The following ENPEP variants were observed in gnomAD, a reference collection of about 807,000 sequenced individuals.
ENPEP encodes the protein glutamyl aminopeptidase, also known as AP-A.
A neutral mutation model predicts 114.5 loss-of-function variants in ENPEP; 103 were observed. That is an observed-to-expected ratio of 0.90 (90% CI 0.77 to 1.06). ENPEP has a LOEUF of 1.06. Among genes scored for constraint, ENPEP ranks in the 50% least tolerant of loss-of-function variants. ENPEP has a pLI of 0.00. For missense variants in ENPEP, 1,196 were observed against 1,161.3 expected (o/e 1.03, Z -0.43); for synonymous variants, 420 against 422.0 (o/e 1.00, Z 0.06).
chr4:110,515,572 C>A (rs990731910), intron 8 of ENPEP, 130 bp downstream of exon 8: 1 of 734,288 alleles, frequency 1.4e-6, no homozygotes, highest in African/African-American at 1.8e-5. Flanking sequence ...GATAATATAG[C>A]AAAAGATAAA....
intron 8 of ENPEP, among the ~76,000 whole-genome samples, chr4:110,517,182 C>T (rs570131548): frequency 1.3e-5 from 2 of 152,118 alleles, no homozygotes; most frequent in South Asian, 2.1e-4. Context: ...TCAAGAGATC[C>T]GCCCGCCTCG....
intron 17 of ENPEP, among the ~76,000 whole-genome samples, chr4:110,551,887 C>G (rs1727303933): frequency 6.6e-6 from 1 of 152,130 alleles, no homozygotes; most frequent in Admixed American, 6.5e-5. Flanking sequence ...CTGATTTTTG[C>G]TGCTTTGGCC....
chr4:110,478,456 C>T (rs1361653937), intron 1 of ENPEP, among the ~76,000 whole-genome samples: 2 of 152,000 alleles, frequency 1.3e-5, no homozygotes, highest in Non-Finnish European at 2.9e-5. Flanking sequence ...TTTCACTGCC[C>T]AGTGGTAATC....
chr4:110,547,329 A>G (rs554647048), intron 13 of ENPEP, among the ~76,000 whole-genome samples: 1 of 152,222 alleles, frequency 6.6e-6, no homozygotes, highest in South Asian at 2.1e-4. Flanking sequence ...AAAATTCTCA[A>G]TCAAGTCTGG....
In ENPEP at chr4:110,561,526, G is replaced by A; in HGVS notation, c.2842G>A (p.Glu948Lys). Residue 948 changes from glutamate to lysine, a missense_variant, in exon 20 of 20, where the codon GAA becomes AAA. By Grantham distance (56) the Glu-to-Lys change is moderately conservative. Transcript: ENST00000265162. ...AAAACAACATAGAAACACCATCAGA[G>A]AATGGTTTTTTAATTTACTTGAGAG... Reference protein sequence around the residue: ...WLKQHRNTIREWFFNLLESG With the variant: ...WLKQHRNTIRKWFFNLLESG The A allele has an allele frequency of 6.2e-7, 1 of 1,613,598 alleles. No individual in the cohort carries two copies. Among genetic ancestry groups the A allele is most frequent in the South Asian group, 1.1e-5 (1 of 91,028 alleles).
chr4:110,545,623 A>G (rs985606599), intron 13 of ENPEP, among the ~76,000 whole-genome samples: 1 of 152,028 alleles, frequency 6.6e-6, no homozygotes, highest in Admixed American at 6.6e-5. Context: ...GAGAGGGAGA[A>G]AAATCCTGAT....
chr4:110,480,484 A>G (rs566356721), intron 1 of ENPEP, among the ~76,000 whole-genome samples: 1 of 152,260 alleles, frequency 6.6e-6, no homozygotes, highest in South Asian at 2.1e-4. Context: ...TATCATTTTA[A>G]ACGTCATCAT....
rs544057218 is a variant in ENPEP at position 110,479,602 on chromosome 4, G to A, written c.644+2544G>A. 3.3e-5 allele frequency among the ~76,000 whole-genome samples: 5 copies of A among 152,160 alleles called. No homozygotes were observed. In the South Asian group the frequency reaches 8.3e-4, roughly 25 times the overall value. The stretch of plus-strand genomic sequence containing the variant: ...CCATTTCCACCAACAATGTATGAAA[G>A]CGACTATTCCTCTGAGCCTTACTAA... On this transcript the variant is annotated intron_variant, in intron 1 of 19. Coordinates refer to ENST00000265162, the MANE Select transcript of ENPEP (RefSeq NM_001977.4).
chr4:110,522,309 G>A (rs2110365175), intron 10 of ENPEP, among the ~76,000 whole-genome samples: 1 of 152,076 alleles, frequency 6.6e-6, no homozygotes. Context: ...AGCCTCCTGA[G>A]TAACTGAAAC....
intron 1 of ENPEP, among the ~76,000 whole-genome samples, chr4:110,485,390 G>A (rs868234680): frequency 5.3e-5 from 8 of 152,058 alleles, no homozygotes; most frequent in African/African-American, 1.9e-4. Flanking sequence ...AATTGTTTAC[G>A]TTTTAGCCTG....
chr4:110,539,426 T>G (rs1726767864), intron 11 of ENPEP, among the ~76,000 whole-genome samples: 1 of 152,198 alleles, frequency 6.6e-6, no homozygotes, highest in African/African-American at 2.4e-5. Context: ...TAGCTTTAGT[T>G]TCAGAAATTA....
At chr4:110,514,235 T>G (rs577672919) in intron 7 of ENPEP, among the ~76,000 whole-genome samples, 1 of 152,096 alleles carries the variant, frequency 6.6e-6, no homozygotes, top group Non-Finnish European at 1.5e-5. Flanking sequence ...TACACTGAGA[T>G]GCTTAGAAGC....
Position 110,553,064 on chromosome 4 carries a change from AT to A in ENPEP, c.2502-250del, listed in dbSNP as rs1305226415. On this transcript the variant is annotated intron_variant, in intron 17 of 19. Coordinates refer to ENST00000265162, the MANE Select transcript of ENPEP (RefSeq NM_001977.4). ...TAAAATTGTTTTTGGTGCTTCTAAA[AT>A]AATTTAATTTTAAATGTTTTATAGT... 2.0e-5 allele frequency among the ~76,000 whole-genome samples: 3 copies of A among 152,128 alleles called. No homozygotes were observed. In the East Asian group the frequency reaches 5.8e-4, roughly 29 times the overall value.
At chr4:110,518,642 CA>C (rs745782472) in intron 8 of ENPEP, among the ~76,000 whole-genome samples, 20 of 152,190 alleles carry the variant, frequency 1.3e-4, no homozygotes, top group Non-Finnish European at 2.2e-4. Context: ...ACAACAATAA[CA>C]GTGATGAAAA....
chr4:110,504,942 G>T (rs1273314256), intron 3 of ENPEP, among the ~76,000 whole-genome samples: 2 of 152,160 alleles, frequency 1.3e-5, no homozygotes, highest in African/African-American at 4.8e-5. Flanking sequence ...GTTGTGTGCA[G>T]CACCAAAGCA....
At chr4:110,502,350 C>T (rs1725194791) in intron 3 of ENPEP, among the ~76,000 whole-genome samples, 1 of 152,104 alleles carries the variant, frequency 6.6e-6, no homozygotes, top group Admixed American at 6.5e-5. Context: ...GAAATCTTTG[C>T]CAGGTCCTAT....
At chr4:110,477,431 C>T (rs1701921363) in intron 1 of ENPEP, among the ~76,000 whole-genome samples, 1 of 152,088 alleles carries the variant, frequency 6.6e-6, no homozygotes, top group Non-Finnish European at 1.5e-5. Context: ...AATATATATA[C>T]AGCAATATAT....
intron 10 of ENPEP, among the ~76,000 whole-genome samples, chr4:110,530,834 A>C (rs1726379674): frequency 1.3e-5 from 2 of 152,226 alleles, no homozygotes; most frequent in Admixed American, 1.3e-4. Flanking sequence ...AAATGGTAGC[A>C]TATTAGACTG....
intron 17 of ENPEP, among the ~76,000 whole-genome samples, chr4:110,552,441 T>C (rs1428884372): frequency 6.6e-6 from 1 of 152,188 alleles, no homozygotes. Context: ...AAAGGCTGAC[T>C]CTCAAAGGCT....
Sources: gnomAD v4.1 joint callset for allele counts (sites outside exome capture counted in the v4.1 genomes callset) on GRCh38, gnomAD v4.1.1 for gene constraint, MANE v1.5 for transcripts, NCBI Gene and HGNC (gene_info 2026-07-23, HGNC 2026-07-21) for gene names.